Variants in SKAP1 observed in about 807,000 individuals in gnomAD.
SKAP1 encodes src kinase-associated phosphoprotein 1.
Under a neutral mutation model 58.5 loss-of-function variants are expected in SKAP1, and 44 were observed. The ratio of observed to expected loss-of-function variants is 0.75; its 90% CI spans 0.59 to 0.97. SKAP1 has a LOEUF of 0.97. SKAP1 is among the 50% of genes least tolerant of loss of function. The probability of loss-of-function intolerance (pLI) is 0.00; values close to 1 mark genes in which losing one functional copy is unlikely to be tolerated. For missense variants in SKAP1, 390 were observed against 435.2 expected (o/e 0.90, Z 0.92); for synonymous variants, 127 against 149.7 (o/e 0.85, Z 1.11).
intron 4 of SKAP1, among the ~76,000 whole-genome samples, chr17:48,220,387 C>T (rs890142360): frequency 2.6e-5 from 4 of 152,194 alleles, no homozygotes; most frequent in African/African-American, 9.7e-5. Context: ...TGTTTTGCTA[C>T]ATGCAAAAAC....
intron 4 of SKAP1, among the ~76,000 whole-genome samples, chr17:48,241,181 C>G (rs922491709): frequency 6.6e-6 from 1 of 151,984 alleles, no homozygotes; most frequent in Non-Finnish European, 1.5e-5. Context: ...TCATCACTAG[C>G]CTCTAGCAAT....
chr17:48,392,593 G>A (rs2067362327), intron 2 of SKAP1, among the ~76,000 whole-genome samples: 1 of 152,182 alleles, frequency 6.6e-6, no homozygotes, highest in South Asian at 2.1e-4. Flanking sequence ...GGGCGTGGTA[G>A]CTCACTCCTG....
intron 4 of SKAP1, among the ~76,000 whole-genome samples, chr17:48,314,677 G>T (rs979739358): frequency 6.6e-6 from 1 of 152,114 alleles, no homozygotes; most frequent in African/African-American, 2.4e-5. Flanking sequence ...TTCCCACAAT[G>T]TTGGGCCATT....
chr17:48,404,598 A>G (rs2067546473), intron 1 of SKAP1, among the ~76,000 whole-genome samples: 1 of 152,220 alleles, frequency 6.6e-6, no homozygotes, highest in African/African-American at 2.4e-5. Flanking sequence ...TTCATCCTTG[A>G]CAGTGATAAT....
intron 4 of SKAP1, among the ~76,000 whole-genome samples, chr17:48,193,290 G>A (rs778009620): frequency 6.6e-6 from 1 of 152,052 alleles, no homozygotes; most frequent in Non-Finnish European, 1.5e-5. Flanking sequence ...GGATCCAGCC[G>A]CCTCGGCCTC....
At chr17:48,321,381 A>ATTC (rs2066362633) in intron 4 of SKAP1, among the ~76,000 whole-genome samples, 1 of 146,412 alleles carries the variant, frequency 6.8e-6, no homozygotes. Context: ...TATTATTATT[A>ATTC]TTATTATTAT....
intron 4 of SKAP1, among the ~76,000 whole-genome samples, chr17:48,328,904 A>C (rs562811227): frequency 6.6e-6 from 1 of 151,946 alleles, no homozygotes; most frequent in East Asian, 1.9e-4. Context: ...ATTTTCAGGT[A>C]CTCTTGACTA....
intron 4 of SKAP1, among the ~76,000 whole-genome samples, chr17:48,340,171 C>A (rs1367924444): frequency 6.6e-6 from 1 of 152,038 alleles, no homozygotes; most frequent in Non-Finnish European, 1.5e-5. Flanking sequence ...CAGAGCTAGA[C>A]TCCGTCTCAA....
At chr17:48,423,712 T>C (rs1231569582) in intron 1 of SKAP1, among the ~76,000 whole-genome samples, 3 of 152,204 alleles carry the variant, frequency 2.0e-5, no homozygotes, top group Non-Finnish European at 4.4e-5. Flanking sequence ...GAAAAATTCA[T>C]GGTACCAAAA....
At chr17:48,287,088 C>T (rs545302561) in intron 4 of SKAP1, among the ~76,000 whole-genome samples, 1 of 142,154 alleles carries the variant, frequency 7.0e-6, no homozygotes, top group African/African-American at 2.8e-5. Context: ...CAGAGCAAGA[C>T]TCCGTCTCAA....
intron 2 of SKAP1, among the ~76,000 whole-genome samples, chr17:48,393,544 G>T (rs1180292644): frequency 6.6e-6 from 1 of 152,116 alleles, no homozygotes; most frequent in African/African-American, 2.4e-5. Flanking sequence ...AGCTGTGATA[G>T]AGTCAGATGC....
At chr17:48,268,791 C>T (rs1312938073) in intron 4 of SKAP1, among the ~76,000 whole-genome samples, 4 of 152,056 alleles carry the variant, frequency 2.6e-5, no homozygotes, top group Non-Finnish European at 4.4e-5. Flanking sequence ...TGTGCCCGGC[C>T]TCAAGTTAAT....
intron 4 of SKAP1, among the ~76,000 whole-genome samples, chr17:48,324,315 T>C (rs1288690710): frequency 6.6e-6 from 1 of 152,120 alleles, no homozygotes; most frequent in Non-Finnish European, 1.5e-5. Context: ...TTCCATCACA[T>C]GGATGTACTA....
chr17:48,392,625 C>T (rs1040414246), intron 2 of SKAP1, among the ~76,000 whole-genome samples: 1 of 152,106 alleles, frequency 6.6e-6, no homozygotes, highest in Non-Finnish European at 1.5e-5. Context: ...CTTTGGGAGG[C>T]CAAGGTGAGT....
In SKAP1 at chr17:48,253,685, T is replaced by C. The variant is rs184281012; in HGVS notation, c.281-64185A>G. 4.9e-4 allele frequency among the ~76,000 whole-genome samples: 75 copies of C among 151,936 alleles called. 1 individual carries two copies. Among genetic ancestry groups the C allele is most frequent in the Admixed American group, 1.3e-3 (20 of 15,240 alleles). ...TAATAGACCTCTTCTTCTATACGAC[T>C]GTGGAAGGGACCAGAGCCAATGCCA... On this transcript the variant is annotated intron_variant, in intron 4 of 12. Coordinates refer to ENST00000336915, the MANE Select transcript of SKAP1 (RefSeq NM_003726.4).
chr17:48,405,388 CTTTCCTT>C (rs1487438397), intron 1 of SKAP1, among the ~76,000 whole-genome samples: 2 of 146,452 alleles, frequency 1.4e-5, no homozygotes, highest in African/African-American at 5.0e-5. Flanking sequence ...CTTTTTTTCT[CTTTCCTT>C]TCTTTCTTTC....
intron 1 of SKAP1, among the ~76,000 whole-genome samples, chr17:48,415,150 CA>C (rs1219798463): frequency 6.6e-6 from 1 of 152,114 alleles, no homozygotes; most frequent in East Asian, 1.9e-4. Flanking sequence ...AAAACAACTC[CA>C]CCGACCAAAT....
intron 4 of SKAP1, among the ~76,000 whole-genome samples, chr17:48,213,256 CGCTTGAACCCGT>C (rs992621914): frequency 1.3e-5 from 2 of 151,038 alleles, no homozygotes; most frequent in African/African-American, 2.4e-5. Context: ...GTAGGAGAAT[CGCTTGAACCCGT>C]GCTTGAACAC....
At chr17:48,347,634 G>A (rs1237247180) in intron 3 of SKAP1, among the ~76,000 whole-genome samples, 1 of 152,156 alleles carries the variant, frequency 6.6e-6, no homozygotes, top group Non-Finnish European at 1.5e-5. Flanking sequence ...TCACACAATA[G>A]TCATTGGCCA....
Sources: gnomAD v4.1 joint callset for allele counts (sites outside exome capture counted in the v4.1 genomes callset) on GRCh38, gnomAD v4.1.1 for gene constraint, MANE v1.5 for transcripts, NCBI Gene and HGNC (gene_info 2026-07-23, HGNC 2026-07-21) for gene names.